Variants in SRP68 observed in about 807,000 individuals in gnomAD.
SRP68 encodes the protein signal recognition particle 68.
A neutral mutation model predicts 82.2 loss-of-function variants in SRP68; 15 were observed. That is an observed-to-expected ratio of 0.18 (90% CI 0.12 to 0.28). SRP68 has a LOEUF of 0.28. Among genes scored for constraint, SRP68 ranks in the 10% least tolerant of loss-of-function variants. SRP68 has a pLI of 1.00. For missense variants in SRP68, 595 were observed against 780.5 expected, an observed-to-expected ratio of 0.76 and a Z score of 2.83; for synonymous variants, 261 against 292.6, an observed-to-expected ratio of 0.89 and a Z score of 1.10.
At position 76,039,649 on chromosome 17, in the gene SRP68, T is replaced by C. The variant is rs948427428; in HGVS notation, c.*57A>G. On this transcript the variant is annotated 3_prime_UTR_variant, in exon 16 of 16. Transcript: ENST00000307877. Reference sequence around the variant, plus strand: ...TTAATATCATGGAACTTGCTGGGATTTTCTCACAATACAGATTAAGAGTCA... The same window carrying C: ...TTAATATCATGGAACTTGCTGGGATCTTCTCACAATACAGATTAAGAGTCA... 33 of 1,538,832 alleles carry C rather than the reference T, an allele frequency of 2.1e-5. No homozygotes were observed. The African/African-American group carries it at 3.6e-4, about 17-fold the overall frequency.
At chr17:76,064,296 A>G in intron 3 of SRP68, 125 bp from the exon 4 acceptor site, 4 of 762,422 alleles carry the variant, frequency 5.2e-6, no homozygotes, top group Non-Finnish European at 8.5e-6. Flanking sequence ...TCTCAAAACA[A>G]CTCTTCTGAT....
chr17:76,045,943 C>T lies in SRP68; in HGVS notation c.1299+95G>A, dbSNP rs1052981807. ...CCAGCTACTAATAGGTCCTGCTTGT[C>T]ACAGCCCTTCCGTGATACAAAGTTA... On this transcript the variant is annotated intron_variant, in intron 11 of 15. Transcript: ENST00000307877. 6.0e-6 allele frequency: 9 copies of T among 1,505,112 alleles called. No homozygotes were observed. The African/African-American group carries it at 1.1e-4, about 18-fold the overall frequency. The allele number at this position is 1,505,112 out of a possible 1,614,324, so 93.2% of individuals were successfully genotyped here.
intron 12 of SRP68, among the ~76,000 whole-genome samples, chr17:76,044,483 C>G (rs2066615198): frequency 6.6e-6 from 1 of 152,182 alleles, no homozygotes; most frequent in Admixed American, 6.5e-5. Context: ...CACCAGAGCA[C>G]ACTGGCATGT....
chr17:76,064,918 A>C (rs1206151185), intron 3 of SRP68, among the ~76,000 whole-genome samples: 1 of 151,754 alleles, frequency 6.6e-6, no homozygotes, highest in Non-Finnish European at 1.5e-5. Flanking sequence ...ACAGAATCCC[A>C]GTGCCACCGC....
intron 8 of SRP68, among the ~76,000 whole-genome samples, chr17:76,052,917 TAAA>T (rs75770227): frequency 3.9e-5 from 5 of 128,450 alleles, no homozygotes; most frequent in African/African-American, 2.9e-5. Context: ...TCCCAGAACT[TAAA>T]AAAAAAAAAA....
At position 76,066,612 on chromosome 17, in the gene SRP68, T is replaced by TC. The variant is rs1394821804; in HGVS notation, c.365+604_365+605insG. The stretch of plus-strand genomic sequence containing the variant: ...ACATTTGCCATCCCAACAGGTTTTT[T>TC]TTTTTTTTTTTTGGTTTTAAAAAGC... On this transcript the variant is annotated intron_variant, in intron 3 of 15. Coordinates refer to ENST00000307877, the MANE Select transcript of SRP68 (RefSeq NM_014230.4). Among the ~76,000 whole-genome samples, 104 of 151,844 alleles carry TC rather than the reference T, an allele frequency of 6.8e-4. 1 individual carries two copies. Among genetic ancestry groups the TC allele is most frequent in the Admixed American group, 4.1e-3 (63 of 15,254 alleles).
At chr17:76,051,192 C>T (rs529072436) in intron 8 of SRP68, among the ~76,000 whole-genome samples, 3 of 152,190 alleles carry the variant, frequency 2.0e-5, no homozygotes, top group South Asian at 2.1e-4. Flanking sequence ...AAGGTTGACA[C>T]GCATGAGACG....
chr17:76,054,512 C>A (rs2144504461), intron 8 of SRP68, among the ~76,000 whole-genome samples: 1 of 152,294 alleles, frequency 6.6e-6, no homozygotes, highest in South Asian at 2.1e-4. Flanking sequence ...AATGGTCCCT[C>A]TTCCACTCAA....
At chr17:76,059,127 T>C (rs1329822899) in intron 7 of SRP68, among the ~76,000 whole-genome samples, 2 of 152,148 alleles carry the variant, frequency 1.3e-5, no homozygotes, top group African/African-American at 2.4e-5. Flanking sequence ...CCTTCACCTG[T>C]AGTTCCAGCT....
rs765636266 is a variant in SRP68, at chr17:76,050,451, G to A, written c.1054C>T (p.Arg352Trp). The change falls in exon 9 of 16, where the codon CGG becomes TGG. Residue 352 changes from arginine to tryptophan, a missense_variant. Physicochemically the swap from Arg to Trp is moderately radical, Grantham distance 101. Coordinates refer to ENST00000307877, the MANE Select transcript of SRP68 (RefSeq NM_014230.4). ...ACCTGATCTGGCTTGAGCTCCTCCC[G>A]AACCACCTGGATGGCGTCCCGACAC... ...SECRDAIQVV[R>W]EELKPDQKQR... 4 of 1,613,768 alleles carry A rather than the reference G, an allele frequency of 2.5e-6. No individual in the cohort carries two copies. The highest frequency in any genetic ancestry group is 1.1e-5 in the South Asian group (1 of 91,062).
intron 6 of SRP68, 62 bp from the exon 7 acceptor site, chr17:76,060,452 T>C: frequency 8.1e-7 from 1 of 1,239,274 alleles, no homozygotes; most frequent in South Asian, 1.2e-5. Flanking sequence ...AATCACTAGA[T>C]TCAACTCAGA....
rs568403535 is a variant in SRP68 at position 76,058,309 on chromosome 17, C to T, written c.838-766G>A. On this transcript the variant is annotated intron_variant, in intron 7 of 15. Transcript: ENST00000307877. ...GCTAATTTTGTATTTTTAGTACAGA[C>T]GGGGTTTCTCCGTGTTGGTCAGACT... is the stretch of plus-strand genomic sequence containing the variant. 4.3e-4 allele frequency among the ~76,000 whole-genome samples: 66 copies of T among 152,092 alleles called. 1 individual carries two copies. Among genetic ancestry groups the T allele is most frequent in the Admixed American group, 1.4e-3 (21 of 15,242 alleles).
At chr17:76,061,652 A>G in intron 4 of SRP68, 78 bp from the exon 5 acceptor site, 1 of 1,226,070 alleles carries the variant, frequency 8.2e-7, no homozygotes, top group South Asian at 1.2e-5. Flanking sequence ...ATTGGCTTCT[A>G]ACTTTGATAT....
Position 76,050,465 on chromosome 17 carries a change from G to A in SRP68, c.1040C>T (p.Ala347Val). The A allele has an allele frequency of 1.9e-6, 3 of 1,613,832 alleles. No homozygotes were observed. Among genetic ancestry groups the A allele is most frequent in the Middle Eastern group, 1.7e-4 (1 of 6,060 alleles). Residue 347 changes from alanine to valine, a missense_variant, in exon 9 of 16, where the codon GCC becomes GTC. Ala to Val is a moderately conservative substitution (Grantham distance 64). Coordinates refer to ENST00000307877, the MANE Select transcript of SRP68 (RefSeq NM_014230.4). ...FESMLSECRD[A>V]IQVVREELKP... Reference sequence around the variant, plus strand: ...GAGCTCCTCCCGAACCACCTGGATGGCGTCCCGACACTCGCTGAGCATTGA... The same window carrying A: ...GAGCTCCTCCCGAACCACCTGGATGACGTCCCGACACTCGCTGAGCATTGA...
intron 2 of SRP68, 139 bp downstream of exon 2, chr17:76,070,239 A>AAAAC (rs10699209): frequency 1.1e-5 from 8 of 703,428 alleles, no homozygotes; most frequent in African/African-American, 1.1e-4. Flanking sequence ...AAAAAAAAAA[A>AAAAC]CAAAGCAAAC....
intron 13 of SRP68, chr17:76,043,539 G>A (rs1020948271): frequency 4.2e-5 from 8 of 191,860 alleles, no homozygotes; most frequent in Admixed American, 1.2e-4. Flanking sequence ...AGATTTCAAC[G>A]TGCAGTCAAG....
chr17:76,054,168 G>A (rs1339803417), intron 8 of SRP68, among the ~76,000 whole-genome samples: 1 of 152,310 alleles, frequency 6.6e-6, no homozygotes, highest in Non-Finnish European at 1.5e-5. Context: ...AGGTTCTCTC[G>A]TCAGGCTCAG....
At chr17:76,064,764 C>T (rs1381374511) in intron 3 of SRP68, among the ~76,000 whole-genome samples, 7 of 149,696 alleles carry the variant, frequency 4.7e-5, no homozygotes, top group African/African-American at 7.4e-5. Flanking sequence ...TCTCTTGAAC[C>T]GAGGAGGCGG....
rs1304944672 is a variant in SRP68 at position 76,065,137 on chromosome 17, G to A, written c.366-966C>T. ...TTCAGCTTAACCTTGTCTCTTCAGA[G>A]TAAAGGATCTTGCTATCATAAGATA... On this transcript the variant is annotated intron_variant, in intron 3 of 15. Coordinates refer to ENST00000307877, the MANE Select transcript of SRP68 (RefSeq NM_014230.4). Among the ~76,000 whole-genome samples, 6 of 151,984 alleles carry A rather than the reference G, an allele frequency of 3.9e-5. No individual in the cohort carries two copies. The East Asian group carries it at 1.2e-3, about 29-fold the overall frequency.
Sources: gnomAD v4.1 joint callset for allele counts (sites outside exome capture counted in the v4.1 genomes callset) on GRCh38, gnomAD v4.1.1 for gene constraint, MANE v1.5 for transcripts, NCBI Gene and HGNC (gene_info 2026-07-23, HGNC 2026-07-21) for gene names.